ALKBH6: variants seen among roughly 807,000 people sequenced by gnomAD.
ALKBH6 encodes the protein probable RNA/DNA demethylase ALKBH6.
A neutral mutation model predicts 25.1 loss-of-function variants in ALKBH6; 20 were observed. That is an observed-to-expected ratio of 0.80 (90% CI 0.56 to 1.16). The LOEUF (loss-of-function observed/expected upper bound fraction) is 1.16. Among genes scored for constraint, ALKBH6 ranks in the 50% most tolerant of loss-of-function variants. The probability of loss-of-function intolerance (pLI) is 0.00; values close to 1 mark genes in which losing one functional copy is unlikely to be tolerated. For missense variants in ALKBH6, 263 were observed against 326.5 expected (o/e 0.81, Z 1.50); for synonymous variants, 156 against 147.5 (o/e 1.06, Z -0.42).
At chr19:36,009,605 T>TGGGGGGGG in intron 6 of ALKBH6, 52 bp from the exon 7 acceptor site, 1 of 132,198 alleles carries the variant, frequency 7.6e-6, no homozygotes, top group Non-Finnish European at 1.2e-5. Context: ...GGGGTGGGGG[T>TGGGGGGGG]GGGCGAGAGG....
At chr19:36,009,998 G>A (rs1457198650) in intron 6 of ALKBH6, among the ~76,000 whole-genome samples, 1 of 152,164 alleles carries the variant, frequency 6.6e-6, no homozygotes, top group Non-Finnish European at 1.5e-5. Flanking sequence ...AGGACATCAG[G>A]ACATTAGAGG....
At chr19:36,012,939 T>TG in intron 3 of ALKBH6, 82 bp downstream of exon 3, 2 of 1,391,250 alleles carry the variant, frequency 1.4e-6, no homozygotes, top group Non-Finnish European at 2.0e-6. Context: ...ACTGCAGCCT[T>TG]GGGGGCTCTC....
At chr19:36,011,156 G>GGA (rs1337968993) in intron 4 of ALKBH6, 111 bp from the exon 5 acceptor site, 8 of 1,430,134 alleles carry the variant, frequency 5.6e-6, no homozygotes, top group Non-Finnish European at 7.6e-6. Flanking sequence ...CTGACCGTTT[G>GGA]GAGATAGCCA....
At chr19:36,009,726 G>C (rs1156509670) in intron 6 of ALKBH6, among the ~76,000 whole-genome samples, 173 bp from the exon 7 acceptor site, 1 of 152,070 alleles carries the variant, frequency 6.6e-6, no homozygotes, top group African/African-American at 2.4e-5. Context: ...TGGGGCCTGG[G>C]CTGGGGCTGC....
Position 36,009,363 on chromosome 19 carries a change from C to T in ALKBH6, c.644G>A (p.Arg215His). 2 of 1,292,606 alleles carry T rather than the reference C, an allele frequency of 1.5e-6. No homozygotes were observed. Among genetic ancestry groups the T allele is most frequent in the South Asian group, 4.7e-5 (2 of 42,594 alleles). The allele number at this position is 1,292,606 out of a possible 1,614,324, so 80.1% of individuals were successfully genotyped here. Residue 215 changes from arginine to histidine, a missense_variant, in exon 7 of 7, where the codon CGC (arginine) becomes CAC (histidine). Coordinates refer to ENST00000378875, the MANE Select transcript of ALKBH6 (RefSeq NM_032878.5). The part of the protein sequence containing the change: ...PSARPGACLV[R>H]GTRVSLTIRR... ...GATGGTCAGCGAGACCCGGGTGCCGCGCACCAGGCAGGCTCCCGGCCGCGC... is the reference window on the plus strand; with the variant it reads ...GATGGTCAGCGAGACCCGGGTGCCGTGCACCAGGCAGGCTCCCGGCCGCGC...
Position 36,011,027 on chromosome 19 carries a change from C to A in ALKBH6, c.203G>T (p.Arg68Leu), listed in dbSNP as rs1274474050. Residue 68 changes from arginine to leucine, a missense_variant, in exon 5 of 7, where the codon CGA becomes CTA. By Grantham distance (102) the Arg-to-Leu change is moderately radical. Coordinates refer to ENST00000378875, the MANE Select transcript of ALKBH6 (RefSeq NM_032878.5). ...LQNWGGLPHP[R>L]GMVPERLPPW... The stretch of plus-strand genomic sequence containing the variant: ...GGGCAGCCGCTCAGGAACCATCCCT[C>A]GGGGATGAGGAAGCCCACCTGGGGA... 1 of 1,609,964 alleles carries A rather than the reference C, an allele frequency of 6.2e-7. No homozygotes were observed. Among genetic ancestry groups the A allele is most frequent in the African/African-American group, 1.3e-5 (1 of 74,904 alleles).
rs1968705570 is a variant in ALKBH6 at position 36,013,994 on chromosome 19, T to G, written c.-26+181A>C. ...CCCTTCACTCCAGCACCCTGAGATC[T>G]TTAGCTCTGAGGCTGACTCCCAAAT... On this transcript the variant is annotated intron_variant, in intron 1 of 6. Coordinates refer to ENST00000378875, the MANE Select transcript of ALKBH6 (RefSeq NM_032878.5). This position sits in a 1 kb window ranked among gnomAD's most constrained non-coding sequence, Gnocchi z 4.6. 8 of 1,416,764 alleles carry G rather than the reference T, an allele frequency of 5.6e-6. No individual in the cohort carries two copies. The highest frequency in any genetic ancestry group is 7.3e-6 in the Non-Finnish European group (8 of 1,089,824). 87.8% of individuals were successfully genotyped at this position (1,416,764 alleles called of 1,614,324 possible). A position where few individuals can be genotyped will look rare whatever the true frequency, so the allele number is the denominator to read the frequency against.
At chr19:36,011,811 C>A (rs1968617909) in intron 3 of ALKBH6, 1 of 191,818 alleles carries the variant, frequency 5.2e-6, no homozygotes, top group African/African-American at 2.3e-5. Flanking sequence ...CCGTGCCAAA[C>A]CTGGTTGCTC....
rs771799781 is a variant in ALKBH6, at chr19:36,010,873, G to A, written c.336+21C>T. 5.1e-5 allele frequency: 83 copies of A among 1,613,242 alleles called. No individual in the cohort carries two copies. Among genetic ancestry groups the A allele is most frequent in the African/African-American group, 6.7e-5 (5 of 74,764 alleles). On this transcript the variant is annotated intron_variant, in intron 5 of 6. Coordinates refer to ENST00000378875, the MANE Select transcript of ALKBH6 (RefSeq NM_032878.5). This position sits in a 1 kb window ranked among gnomAD's most constrained non-coding sequence, Gnocchi z 5.5. Reference sequence around the variant, plus strand: ...CTCAGAAGTCTGAGTGGGGGGACACGGGCCGAGGGTGTGTGGTTACCATGA... The same window carrying A: ...CTCAGAAGTCTGAGTGGGGGGACACAGGCCGAGGGTGTGTGGTTACCATGA...
chr19:36,011,317 C>T (rs1968606293), intron 4 of ALKBH6, 87 bp downstream of exon 4: 1 of 1,512,678 alleles, frequency 6.6e-7, no homozygotes, highest in Non-Finnish European at 9.0e-7. Flanking sequence ...GTCAGGGACC[C>T]TCTGATGTCT....
chr19:36,012,951 T>C, intron 3 of ALKBH6, 70 bp downstream of exon 3: 4 of 1,484,628 alleles, frequency 2.7e-6, no homozygotes, highest in Non-Finnish European at 3.8e-6. Flanking sequence ...GGGGCTCTCA[T>C]ACAGAGGATG....
chr19:36,014,115 G>C, intron 1 of ALKBH6, 60 bp downstream of exon 1: 2 of 1,602,724 alleles, frequency 1.2e-6, no homozygotes, highest in Non-Finnish European at 1.7e-6. Context: ...GGCTCCCCCG[G>C]ATCCCCACTT....
rs900738426 is a variant in ALKBH6, at chr19:36,010,106, G to A, written c.453+461C>T. 1.3e-5 allele frequency among the ~76,000 whole-genome samples: 2 copies of A among 152,184 alleles called. No individual in the cohort carries two copies. Among genetic ancestry groups the A allele is most frequent in the Non-Finnish European group, 2.9e-5 (2 of 68,032 alleles). On this transcript the variant is annotated intron_variant, in intron 6 of 6. Transcript: ENST00000378875. This position sits in a 1 kb window ranked among gnomAD's most constrained non-coding sequence, Gnocchi z 5.5. ...GGTCGGCGTGTTCAGGGGCGTTTCT[G>A]TGAACACTGGGGTGCTAGAAATGCA...
chr19:36,011,346 G>C (rs1272994598), intron 4 of ALKBH6, 58 bp downstream of exon 4: 1 of 1,589,838 alleles, frequency 6.3e-7, no homozygotes, highest in Admixed American at 1.7e-5. Flanking sequence ...TTGGACCTGA[G>C]TCCCCTGCCC....
At position 36,010,333 on chromosome 19, in the gene ALKBH6, T is replaced by C; in HGVS notation, c.453+234A>G. The C allele has an allele frequency of 1.8e-6, 1 of 553,994 alleles. No homozygotes were observed. Among genetic ancestry groups the C allele is most frequent in the Non-Finnish European group, 3.3e-6 (1 of 307,066 alleles). The allele number at this position is 553,994 out of a possible 1,614,324, so 34.3% of individuals were successfully genotyped here. A position where few individuals can be genotyped will look rare whatever the true frequency, so the allele number is the denominator to read the frequency against. ...TCTGCTGGGGAGTCAGGGGTATCCA[T>C]TCAGCAGGTTGGGGCATCGGGGAGC... On this transcript the variant is annotated intron_variant, in intron 6 of 6. Transcript: ENST00000378875. The surrounding 1 kb of genome is among the most constrained non-coding windows in gnomAD (Gnocchi z 5.5).
Position 36,011,439 on chromosome 19 carries a change from C to T in ALKBH6, c.149G>A (p.Trp50Ter). Residue 50 changes from tryptophan to a stop codon, truncating the protein, a stop_gained, in exon 4 of 7, where the codon TGG (tryptophan) becomes TAG (stop). Coordinates refer to ENST00000378875, the MANE Select transcript of ALKBH6 (RefSeq NM_032878.5). LOFTEE classifies it high-confidence loss of function. Reference protein sequence around the residue: ...RQVFNAPKPKWTQLSGRKLQN... With the variant: ...RQVFNAPKPK The stretch of plus-strand genomic sequence containing the variant: ...TAACTTTCTCCCAGAGAGCTGGGTC[C>T]ACTTTGGCTTTGGGGCATTAAAAAC... 3.7e-6 allele frequency: 6 copies of T among 1,613,580 alleles called. No individual in the cohort carries two copies. Among genetic ancestry groups the T allele is most frequent in the South Asian group, 1.1e-5 (1 of 91,032 alleles).
chr19:36,013,250 G>T lies in ALKBH6; in HGVS notation c.54+94C>A. 1 of 1,535,724 alleles carries T rather than the reference G, an allele frequency of 6.5e-7. No homozygotes were observed. The highest frequency in any genetic ancestry group is 9.0e-7 in the Non-Finnish European group (1 of 1,111,908). ...TGCCATTCCAGAATGGACTCTGACA[G>T]TAAGAATGAATTTGGTGGAAGGGGG... On this transcript the variant is annotated intron_variant, in intron 2 of 6. Transcript: ENST00000378875. The surrounding 1 kb of genome is among the most constrained non-coding windows in gnomAD (Gnocchi z 4.6).
intron 6 of ALKBH6, 55 bp from the exon 7 acceptor site, chr19:36,009,608 G>GGGGCGGC: frequency 3.0e-6 from 1 of 336,932 alleles, no homozygotes; most frequent in Non-Finnish European, 4.5e-6. Context: ...GTGGGGGTGG[G>GGGGCGGC]CGAGAGGTCG....
rs1228302696 is a variant in ALKBH6 at position 36,013,495 on chromosome 19, A to G, written c.-25-73T>C. ...ACACCATGATGCAGCATTCCACCCC[A>G]TCACAGGCCAGGCCTCACCTCAGCC... On this transcript the variant is annotated intron_variant, in intron 1 of 6. Coordinates refer to ENST00000378875, the MANE Select transcript of ALKBH6 (RefSeq NM_032878.5). This position sits in a 1 kb window ranked among gnomAD's most constrained non-coding sequence, Gnocchi z 4.6. The G allele has an allele frequency of 6.3e-7, 1 of 1,593,724 alleles. No individual in the cohort carries two copies. The highest frequency in any genetic ancestry group is 8.6e-7 in the Non-Finnish European group (1 of 1,169,536).
Sources: allele counts gnomAD v4.1 joint callset (sites outside exome capture counted in the v4.1 genomes callset), GRCh38; gene constraint gnomAD v4.1.1; non-coding constraint Gnocchi (gnomAD v3.1); transcripts MANE v1.5; gene names NCBI Gene and HGNC (gene_info 2026-07-23, HGNC 2026-07-21).